SYNDIG1L: variants seen among roughly 807,000 people sequenced by gnomAD.
SYNDIG1L encodes synapse differentiation-inducing gene protein 1-like.
In SYNDIG1L, 13 loss-of-function variants were observed where a neutral mutation model predicts 20.1. The ratio of observed to expected loss-of-function variants is 0.65; its 90% CI spans 0.42 to 1.03. The LOEUF is 1.03. SYNDIG1L is among the 50% of genes least tolerant of loss of function. The pLI, the probability that SYNDIG1L is intolerant of heterozygous loss-of-function variation, is 0.00. For synonymous variants in SYNDIG1L, 128 were observed against 129.3 expected (o/e 0.99, Z 0.07); for missense variants, 294 against 305.1 (o/e 0.96, Z 0.27).
At chr14:74,411,451 T>G (rs552630793) in intron 1 of SYNDIG1L, among the ~76,000 whole-genome samples, 1 of 152,292 alleles carries the variant, frequency 6.6e-6, no homozygotes, top group East Asian at 1.9e-4. Context: ...GAGATCCTTC[T>G]GCTCCCAGGG....
chr14:74,424,687 C>T (rs1400676435), intron 1 of SYNDIG1L, among the ~76,000 whole-genome samples: 1 of 152,136 alleles, frequency 6.6e-6, no homozygotes, highest in African/African-American at 2.4e-5. Context: ...GAGACATGGC[C>T]ATGCTGGGAG....
At chr14:74,423,394 T>TTGCTGC (rs200653886) in intron 1 of SYNDIG1L, among the ~76,000 whole-genome samples, 1 of 152,182 alleles carries the variant, frequency 6.6e-6, no homozygotes, top group East Asian at 1.9e-4. Flanking sequence ...TAGCTTGCTG[T>TTGCTGC]TGCTGCTGCT....
intron 1 of SYNDIG1L, among the ~76,000 whole-genome samples, chr14:74,422,197 C>T (rs867107611): frequency 6.6e-6 from 1 of 152,136 alleles, no homozygotes. Context: ...GGCCCCACTC[C>T]CTGCTTGGTT....
At chr14:74,426,631 A>C (rs2086268725), upstream of SYNDIG1L, among the ~76,000 whole-genome samples, 1 of 152,166 alleles carries the variant, frequency 6.6e-6, no homozygotes, top group Admixed American at 6.5e-5. Context: ...AAGCCCGATA[A>C]TGTGTTTAAT....
chr14:74,440,244 G>C, the SYNDIG1L span, among the ~76,000 whole-genome samples: 1 of 149,926 alleles, frequency 6.7e-6, no homozygotes, highest in African/African-American at 2.5e-5. Flanking sequence ...GGCCGGGCGC[G>C]GTGGCTCACA....
At chr14:74,454,897 A>G in the SYNDIG1L span, among the ~76,000 whole-genome samples, 2 of 152,252 alleles carry the variant, frequency 1.3e-5, no homozygotes, top group African/African-American at 4.8e-5. Context: ...TAGTTACTCA[A>G]TCAAACACTA....
At chr14:74,430,070 G>A (rs530395284), upstream of SYNDIG1L, among the ~76,000 whole-genome samples, 4 of 152,274 alleles carry the variant, frequency 2.6e-5, no homozygotes, top group East Asian at 1.9e-4. Context: ...GGTCCCGCCC[G>A]ATTCCCTGCT....
chr14:74,440,516 TAAAAAAAA>T, the SYNDIG1L span, among the ~76,000 whole-genome samples: 1 of 97,242 alleles, frequency 1.0e-5, no homozygotes, highest in Admixed American at 1.1e-4. Context: ...CTCCGTCTCA[TAAAAAAAA>T]AAAAAAAAAA....
chr14:74,466,738 T>A, the SYNDIG1L span, among the ~76,000 whole-genome samples: 1 of 152,102 alleles, frequency 6.6e-6, no homozygotes, highest in Non-Finnish European at 1.5e-5. Flanking sequence ...CTGGAAAAAA[T>A]TCCGTTAGAC....
At chr14:74,464,669 A>C in the SYNDIG1L span, among the ~76,000 whole-genome samples, 1 of 152,090 alleles carries the variant, frequency 6.6e-6, no homozygotes, top group East Asian at 1.9e-4. Context: ...GTCCCTGCTC[A>C]GCCACTTATT....
chr14:74,408,111 C>A, intron 2 of SYNDIG1L, 122 bp from the exon 3 acceptor site: 1 of 1,234,076 alleles, frequency 8.1e-7, no homozygotes, highest in South Asian at 1.6e-5. Context: ...GCAGTCTCTT[C>A]TGCCGCAGGT....
the SYNDIG1L span, among the ~76,000 whole-genome samples, chr14:74,461,145 T>C: frequency 6.8e-6 from 1 of 147,966 alleles, no homozygotes; most frequent in Non-Finnish European, 1.5e-5. Context: ...GTCAGGTTTC[T>C]CCATGTTGGC....
chr14:74,432,111 A>G, the SYNDIG1L span, among the ~76,000 whole-genome samples: 3 of 147,074 alleles, frequency 2.0e-5, no homozygotes, highest in Non-Finnish European at 3.0e-5. Flanking sequence ...ACCCACTCCC[A>G]AGGACTCTCC....
At chr14:74,438,855 A>G in the SYNDIG1L span, among the ~76,000 whole-genome samples, 1 of 152,222 alleles carries the variant, frequency 6.6e-6, no homozygotes, top group Non-Finnish European at 1.5e-5. Flanking sequence ...TTTGTAAGGC[A>G]GTACTATTCC....
chr14:74,426,782 G>A (rs1315820768), upstream of SYNDIG1L, among the ~76,000 whole-genome samples: 1 of 131,380 alleles, frequency 7.6e-6, no homozygotes, highest in African/African-American at 2.8e-5. Context: ...GGCTCACAAG[G>A]ATGAAATCCT....
At chr14:74,478,612 G>A in the SYNDIG1L span, among the ~76,000 whole-genome samples, 1 of 152,188 alleles carries the variant, frequency 6.6e-6, no homozygotes, top group Non-Finnish European at 1.5e-5. Flanking sequence ...TAAATGGCAT[G>A]AGAAATCTTC....
chr14:74,409,874 TG>T, intron 1 of SYNDIG1L, 73 bp from the exon 2 acceptor site: 1 of 1,190,464 alleles, frequency 8.4e-7, no homozygotes, highest in African/African-American at 1.6e-5. Flanking sequence ...GTGAAGAGCA[TG>T]GGTCCTGCAG....
rs1230197158 is a variant in SYNDIG1L at position 74,407,933 on chromosome 14, G to T, written c.474C>A (p.Pro158=). 6.2e-7 allele frequency: 1 copy of T among 1,613,894 alleles called. No individual in the cohort carries two copies. The highest frequency in any genetic ancestry group is 1.7e-5 in the Admixed American group (1 of 59,976). The change falls in exon 3 of 4, where the codon CCC becomes CCA. Residue 158 remains proline (P), a synonymous_variant. Coordinates refer to ENST00000331628, the MANE Select transcript of SYNDIG1L (RefSeq NM_001105579.2). The stretch of plus-strand genomic sequence containing the variant: ...AGAGAGTAAGTCCCAGGTGGTCCCT[G>T]GGAGGCAGCGTGAGGAAGTTGTCTT... ...ESEDNFLTLP[P]RDHLGLTLFS... is the part of the protein sequence containing the mutation.
upstream of SYNDIG1L, among the ~76,000 whole-genome samples, chr14:74,430,594 C>A (rs1325901000): frequency 1.3e-5 from 2 of 152,038 alleles, no homozygotes; most frequent in Non-Finnish European, 2.9e-5. Context: ...TGCTACCATA[C>A]CTAGCTAATT....
Sources: gnomAD v4.1 joint callset for allele counts (sites outside exome capture counted in the v4.1 genomes callset) on GRCh38, gnomAD v4.1.1 for gene constraint, MANE v1.5 for transcripts, NCBI Gene and HGNC (gene_info 2026-07-23, HGNC 2026-07-21) for gene names.